Variants in FSHR observed in about 807,000 individuals in gnomAD.
The protein encoded by FSHR is follicle stimulating hormone receptor.
Under a neutral mutation model 52.1 loss-of-function variants are expected in FSHR, and 46 were observed. That is an observed-to-expected ratio of 0.88 (90% CI 0.70 to 1.13). The LOEUF is 1.13. Among genes scored for constraint, FSHR ranks in the 50% most tolerant of loss-of-function variants. The pLI, the probability that FSHR is intolerant of heterozygous loss-of-function variation, is 0.00. For missense variants in FSHR, 964 were observed against 834.6 expected, an observed-to-expected ratio of 1.16 and a Z score of -1.91; for synonymous variants, 399 against 309.6, an observed-to-expected ratio of 1.29 and a Z score of -3.03.
intron 2 of FSHR, among the ~76,000 whole-genome samples, chr2:49,061,673 CTA>C (rs1280994064): frequency 2.2e-5 from 3 of 138,154 alleles, no homozygotes; most frequent in African/African-American, 5.3e-5. Flanking sequence ...ATATTTATAA[CTA>C]TATATAACTA....
At chr2:49,051,772 C>G (rs1199709108) in intron 2 of FSHR, among the ~76,000 whole-genome samples, 1 of 150,160 alleles carries the variant, frequency 6.7e-6, no homozygotes, top group Admixed American at 6.6e-5. Flanking sequence ...GAATCTTTGC[C>G]TATCCCCTGA....
intron 1 of FSHR, among the ~76,000 whole-genome samples, chr2:49,147,636 T>C (rs1672915940): frequency 1.3e-5 from 2 of 151,936 alleles, no homozygotes; most frequent in East Asian, 1.9e-4. Context: ...CAGGATAGAG[T>C]TCATCTTCTA....
chr2:49,085,595 C>T (rs2103671944), intron 1 of FSHR, among the ~76,000 whole-genome samples: 1 of 152,218 alleles, frequency 6.6e-6, no homozygotes, highest in East Asian at 1.9e-4. Flanking sequence ...ACCATTTGAC[C>T]CAGCCATCCC....
rs113415621 is a variant in FSHR at position 48,974,852 on chromosome 2, C to G, written c.669-5969G>C. Among the ~76,000 whole-genome samples, 719 of 152,264 alleles carry G rather than the reference C, an allele frequency of 4.7e-3. 7 individuals carry two copies. The highest frequency in any genetic ancestry group is 0.017 in the African/African-American group (692 of 41,538). ...CCTTTTTTGCTCTGTTCTCCTAAAA[C>G]ATACACACACACTCATACACACACA... On this transcript the variant is annotated intron_variant, in intron 8 of 9. Coordinates refer to ENST00000406846, the MANE Select transcript of FSHR (RefSeq NM_000145.4).
At chr2:49,129,416 G>C (rs1307805418) in intron 1 of FSHR, among the ~76,000 whole-genome samples, 1 of 152,156 alleles carries the variant, frequency 6.6e-6, no homozygotes. Flanking sequence ...TTCAGTACTA[G>C]AATAGTCAAT....
Position 48,982,439 on chromosome 2 carries a change from T to G in FSHR, c.668+473A>C, listed in dbSNP as rs141629615. ...GAAGGAACCTCCTGAGTGTTGAGGA[T>G]GATGGAGAATTGTGCTTTCCTTTCC... On this transcript the variant is annotated intron_variant, in intron 8 of 9. Coordinates refer to ENST00000406846, the MANE Select transcript of FSHR (RefSeq NM_000145.4). 1.1e-3 allele frequency among the ~76,000 whole-genome samples: 167 copies of G among 152,272 alleles called. 1 individual carries two copies. In the South Asian group the frequency reaches 0.015, roughly 13 times the overall value.
chr2:48,964,040 G>T, intron 9 of FSHR, 74 bp from the exon 10 acceptor site: 1 of 1,465,676 alleles, frequency 6.8e-7, no homozygotes, highest in Non-Finnish European at 9.4e-7. Context: ...TCTTTGTGCA[G>T]GGTAGAAATG....
intron 2 of FSHR, among the ~76,000 whole-genome samples, chr2:49,053,157 T>C (rs1668931961): frequency 6.6e-6 from 1 of 152,226 alleles, no homozygotes; most frequent in African/African-American, 2.4e-5. Flanking sequence ...ATATTTCAAA[T>C]GAATTTTATG....
At chr2:48,997,058 G>A (rs911584426) in intron 4 of FSHR, 15 of 162,834 alleles carry the variant, frequency 9.2e-5, no homozygotes, top group Non-Finnish European at 1.3e-4. Context: ...TCACAGAATC[G>A]TGGAGTTAGA....
chr2:49,022,638 C>A lies in FSHR; in HGVS notation c.225-2478G>T, dbSNP rs554410257. Among the ~76,000 whole-genome samples the A allele has an allele frequency of 7.2e-5, 11 of 152,224 alleles. 1 individual carries two copies. In the East Asian group the frequency reaches 2.1e-3, roughly 29 times the overall value. On this transcript the variant is annotated intron_variant, in intron 2 of 9. Coordinates refer to ENST00000406846, the MANE Select transcript of FSHR (RefSeq NM_000145.4). ...TAAATGGTCCCACCTGTATGAGGAACCAACTGTGGCTGACAGAAGGGCTCA... is the reference window on the plus strand; with the variant it reads ...TAAATGGTCCCACCTGTATGAGGAAACAACTGTGGCTGACAGAAGGGCTCA...
At position 49,141,989 on chromosome 2, in the gene FSHR, G is replaced by A. The variant is rs1252554357; in HGVS notation, c.152+12277C>T. Among the ~76,000 whole-genome samples, 4 of 152,332 alleles carry A rather than the reference G, an allele frequency of 2.6e-5. No individual in the cohort carries two copies. The South Asian group carries it at 8.3e-4, about 32-fold the overall frequency. Reference sequence around the variant, plus strand: ...ACAGTAATAGCTACAGTGCAAAATTGTTGGGCAAGATGCTATAGGTGGCAT... The same window carrying A: ...ACAGTAATAGCTACAGTGCAAAATTATTGGGCAAGATGCTATAGGTGGCAT... On this transcript the variant is annotated intron_variant, in intron 1 of 9. Coordinates refer to ENST00000406846, the MANE Select transcript of FSHR (RefSeq NM_000145.4).
In FSHR at chr2:49,153,644, A is replaced by G. The variant is rs533397382; in HGVS notation, c.152+622T>C. Among the ~76,000 whole-genome samples, 23 of 152,272 alleles carry G rather than the reference A, an allele frequency of 1.5e-4. No homozygotes were observed. In the South Asian group the frequency reaches 4.6e-3, roughly 30 times the overall value. On this transcript the variant is annotated intron_variant, in intron 1 of 9. Transcript: ENST00000406846. The stretch of plus-strand genomic sequence containing the variant: ...TGTTAAAATAGTTAAGTAAATTTCT[A>G]ACTTATTAATCACATTTTTTTCCAG...
chr2:49,053,028 A>C lies in FSHR; in HGVS notation c.224+15191T>G, dbSNP rs147445176. ...CTCTTTCTCTAAAAGTCCCTCTGTT[A>C]AGTTAACTTTTCTTTCCCCAGTGAT... On this transcript the variant is annotated intron_variant, in intron 2 of 9. Coordinates refer to ENST00000406846, the MANE Select transcript of FSHR (RefSeq NM_000145.4). Among the ~76,000 whole-genome samples, 271 of 152,214 alleles carry C rather than the reference A, an allele frequency of 1.8e-3. 1 individual carries two copies. Among genetic ancestry groups the C allele is most frequent in the African/African-American group, 6.4e-3 (264 of 41,548 alleles).
chr2:48,968,985 A>T, intron 8 of FSHR, 102 bp from the exon 9 acceptor site: 1 of 1,047,184 alleles, frequency 9.5e-7, no homozygotes, highest in Non-Finnish European at 1.4e-6. Context: ...ATATTCTTAC[A>T]TGGATGAGGA....
intron 1 of FSHR, among the ~76,000 whole-genome samples, chr2:49,092,502 GT>G (rs1670649684): frequency 6.6e-6 from 1 of 152,142 alleles, no homozygotes; most frequent in Non-Finnish European, 1.5e-5. Flanking sequence ...AGCTAATAAA[GT>G]TTGCTTCTAT....
At position 49,109,555 on chromosome 2, in the gene FSHR, G is replaced by C. The variant is rs1436391161; in HGVS notation, c.153-41265C>G. ...ATAGTGGTTGTTCTGTTCATAGAAA[G>C]GGGAGTGGACTGGGGGGACAGTGTG... On this transcript the variant is annotated intron_variant, in intron 1 of 9. Coordinates refer to ENST00000406846, the MANE Select transcript of FSHR (RefSeq NM_000145.4). Among the ~76,000 whole-genome samples the C allele has an allele frequency of 2.0e-5, 3 of 152,226 alleles. No homozygotes were observed. In the East Asian group the frequency reaches 5.8e-4, roughly 30 times the overall value.
chr2:49,146,168 A>G (rs1158953007), intron 1 of FSHR, among the ~76,000 whole-genome samples: 1 of 152,064 alleles, frequency 6.6e-6, no homozygotes, highest in Non-Finnish European at 1.5e-5. Context: ...GAAAGCTCAA[A>G]GACCAATTCA....
At chr2:48,979,082 C>A (rs1359631169) in intron 8 of FSHR, among the ~76,000 whole-genome samples, 3 of 152,142 alleles carry the variant, frequency 2.0e-5, no homozygotes. Flanking sequence ...CAAGCAGCAT[C>A]AGTTTCACTA....
intron 1 of FSHR, among the ~76,000 whole-genome samples, chr2:49,146,210 C>A (rs1227704312): frequency 6.6e-6 from 1 of 152,066 alleles, no homozygotes; most frequent in Admixed American, 6.6e-5. Flanking sequence ...CGAGGAACCA[C>A]AAGAGGCAAT....
Sources: gnomAD v4.1 joint callset for allele counts (sites outside exome capture counted in the v4.1 genomes callset) on GRCh38, gnomAD v4.1.1 for gene constraint, MANE v1.5 for transcripts, NCBI Gene and HGNC (gene_info 2026-07-23, HGNC 2026-07-21) for gene names.